CDH4: variants seen among roughly 807,000 people sequenced by gnomAD.
CDH4 encodes cadherin-4.
A neutral mutation model predicts 86.0 loss-of-function variants in CDH4; 33 were observed. The observed-to-expected ratio is 0.38, with a 90% CI of 0.29 to 0.51. The LOEUF (loss-of-function observed/expected upper bound fraction) is 0.51. Ranked by LOEUF, CDH4 falls within the 20% of genes least tolerant of loss-of-function variation. The pLI is 0.86. For synonymous variants in CDH4, 555 were observed against 549.4 expected, an observed-to-expected ratio of 1.01 and a Z score of -0.14; for missense variants, 1,114 against 1,307.4, an observed-to-expected ratio of 0.85 and a Z score of 2.28.
At chr20:61,923,903 C>A (rs1188835557) in intron 10 of CDH4, among the ~76,000 whole-genome samples, 199 bp downstream of exon 10, 1 of 152,184 alleles carries the variant, frequency 6.6e-6, no homozygotes, top group Non-Finnish European at 1.5e-5. Flanking sequence ...CCTGATCAAT[C>A]GTGAGTGTTG....
intron 2 of CDH4, among the ~76,000 whole-genome samples, chr20:61,396,518 C>T (rs1453601373): frequency 6.6e-6 from 1 of 152,220 alleles, no homozygotes; most frequent in African/African-American, 2.4e-5. Flanking sequence ...CAGGTTCCTG[C>T]CCTCACCTGG....
chr20:61,704,270 C>T (rs149983319), intron 2 of CDH4, among the ~76,000 whole-genome samples: 55 of 152,170 alleles, frequency 3.6e-4, no homozygotes, highest in African/African-American at 1.2e-3. Flanking sequence ...AGCTCCTTCC[C>T]AAGCAGAAGT....
At chr20:61,270,843 C>T (rs1383960566) in intron 2 of CDH4, among the ~76,000 whole-genome samples, 1 of 152,098 alleles carries the variant, frequency 6.6e-6, no homozygotes, top group Non-Finnish European at 1.5e-5. Context: ...GTCGAGGCAG[C>T]TCTGGAGTGG....
chr20:61,658,477 A>G (rs1418148981), intron 2 of CDH4, among the ~76,000 whole-genome samples: 1 of 152,172 alleles, frequency 6.6e-6, no homozygotes, highest in Non-Finnish European at 1.5e-5. Flanking sequence ...GCTCTGATCT[A>G]TAGGCTCCGG....
chr20:61,559,525 T>C (rs1008543872), intron 2 of CDH4, among the ~76,000 whole-genome samples: 13 of 139,170 alleles, frequency 9.3e-5, no homozygotes, highest in Non-Finnish European at 1.5e-4. Flanking sequence ...TTTTCTTTTT[T>C]TTTTTTTTTT....
At chr20:61,648,294 C>T (rs867143347) in intron 2 of CDH4, among the ~76,000 whole-genome samples, 12 of 152,156 alleles carry the variant, frequency 7.9e-5, no homozygotes, top group South Asian at 2.1e-4. Context: ...AGGGTCAGCC[C>T]GGGTTGGAGA....
At chr20:61,931,780 C>T (rs900810284) in intron 13 of CDH4, among the ~76,000 whole-genome samples, 1 of 152,144 alleles carries the variant, frequency 6.6e-6, no homozygotes, top group Non-Finnish European at 1.5e-5. Context: ...GGGCTGGACA[C>T]GGACCTCGGA....
intron 11 of CDH4, 23 bp from the exon 12 acceptor site, chr20:61,928,167 G>C: frequency 6.3e-7 from 1 of 1,582,274 alleles, no homozygotes; most frequent in East Asian, 2.2e-5. Flanking sequence ...TGGCCCGTGT[G>C]GTGACCTGTG....
At chr20:61,748,587 C>CT (rs957543946) in intron 3 of CDH4, among the ~76,000 whole-genome samples, 5 of 152,118 alleles carry the variant, frequency 3.3e-5, no homozygotes, top group Admixed American at 6.6e-5. Flanking sequence ...GCCAAGAACA[C>CT]TGAAAAATAC....
intron 3 of CDH4, among the ~76,000 whole-genome samples, chr20:61,752,716 G>A (rs779084511): frequency 3.3e-5 from 5 of 152,336 alleles, no homozygotes; most frequent in African/African-American, 4.8e-5. Context: ...GCAGCTAGAA[G>A]CAACAAAGCC....
intron 2 of CDH4, among the ~76,000 whole-genome samples, chr20:61,379,879 T>G (rs1474115417): frequency 6.6e-6 from 1 of 152,238 alleles, no homozygotes; most frequent in Non-Finnish European, 1.5e-5. Flanking sequence ...TAGGTAGCAT[T>G]GCTTAGAGCA....
chr20:61,516,668 G>A lies in CDH4; in HGVS notation c.170-226895G>A, dbSNP rs765394888. Among the ~76,000 whole-genome samples, 41 of 152,212 alleles carry A rather than the reference G, an allele frequency of 2.7e-4. No individual in the cohort carries two copies. Among genetic ancestry groups the A allele is most frequent in the Non-Finnish European group, 4.7e-4 (32 of 68,040 alleles). Reference sequence around the variant, plus strand: ...ATCAGACCCTCAGAGAGGCCGGATTGATTGTAATAGCACAGGGCTGCAGCA... The same window carrying A: ...ATCAGACCCTCAGAGAGGCCGGATTAATTGTAATAGCACAGGGCTGCAGCA... On this transcript the variant is annotated intron_variant, in intron 2 of 15. Transcript: ENST00000614565. The surrounding 1 kb of genome is among the most constrained non-coding windows in gnomAD (Gnocchi z 4.0).
At chr20:61,813,091 C>A (rs957293857) in intron 4 of CDH4, among the ~76,000 whole-genome samples, 8 of 152,230 alleles carry the variant, frequency 5.3e-5, no homozygotes, top group Admixed American at 1.3e-4. Flanking sequence ...ACAGAGAGAG[C>A]AAGGTTTTAA....
At chr20:61,355,377 G>T (rs2084742868) in intron 2 of CDH4, among the ~76,000 whole-genome samples, 1 of 152,176 alleles carries the variant, frequency 6.6e-6, no homozygotes, top group Admixed American at 6.5e-5. Context: ...AATGTCCTTG[G>T]TTCTTAGCAG....
At chr20:61,256,836 C>T (rs889161813) in intron 2 of CDH4, among the ~76,000 whole-genome samples, 1 of 152,220 alleles carries the variant, frequency 6.6e-6, no homozygotes, top group Non-Finnish European at 1.5e-5. Context: ...TGTGGGTCCC[C>T]TTCTCACTGT....
chr20:61,514,308 C>A (rs1287904633), intron 2 of CDH4, among the ~76,000 whole-genome samples: 3 of 121,616 alleles, frequency 2.5e-5, no homozygotes, highest in East Asian at 2.6e-4. Context: ...CTCAGTCCGC[C>A]CCCCCCGCCC....
chr20:61,382,850 T>C (rs1478360320), intron 2 of CDH4, among the ~76,000 whole-genome samples: 3 of 150,170 alleles, frequency 2.0e-5, no homozygotes, highest in Non-Finnish European at 4.4e-5. Context: ...CATCCCAGGA[T>C]CCTTAATGTC....
At chr20:61,668,463 C>T (rs2087351425) in intron 2 of CDH4, among the ~76,000 whole-genome samples, 1 of 152,222 alleles carries the variant, frequency 6.6e-6, no homozygotes, top group South Asian at 2.1e-4. Context: ...CCTGTGGAAC[C>T]AGCTGCCCCT....
At chr20:61,800,549 AC>A (rs1459767415) in intron 4 of CDH4, among the ~76,000 whole-genome samples, 3 of 152,172 alleles carry the variant, frequency 2.0e-5, no homozygotes, top group Non-Finnish European at 2.9e-5. Context: ...AGGGTAAAAC[AC>A]CTGCCCAAAG....
Sources: allele counts gnomAD v4.1 joint callset (sites outside exome capture counted in the v4.1 genomes callset), GRCh38; gene constraint gnomAD v4.1.1; non-coding constraint Gnocchi (gnomAD v3.1); transcripts MANE v1.5; gene names NCBI Gene and HGNC (gene_info 2026-07-23, HGNC 2026-07-21).